The following PTPRN2 variants were observed in gnomAD, a reference collection of about 807,000 sequenced individuals.
PTPRN2 encodes receptor-type tyrosine-protein phosphatase N2.
PTPRN2 carries 74 observed loss-of-function variants against 118.8 expected under a neutral mutation model. That is an observed-to-expected ratio of 0.62 (90% CI 0.52 to 0.76). PTPRN2 has a LOEUF of 0.76. PTPRN2 is among the 30% of genes least tolerant of loss of function. The pLI, the probability that PTPRN2 is intolerant of heterozygous loss-of-function variation, is 0.00. For synonymous variants in PTPRN2, 641 were observed against 608.0 expected, an observed-to-expected ratio of 1.05 and a Z score of -0.80; for missense variants, 1,481 against 1,394.4, an observed-to-expected ratio of 1.06 and a Z score of -0.99.
At chr7:158,081,596 A>G (rs550258522) in intron 10 of PTPRN2, among the ~76,000 whole-genome samples, 1 of 152,280 alleles carries the variant, frequency 6.6e-6, no homozygotes, top group East Asian at 1.9e-4. Context: ...CTTTTCCAAA[A>G]CACACATCAC....
intron 1 of PTPRN2, among the ~76,000 whole-genome samples, chr7:158,540,095 C>A (rs1353801681): frequency 6.6e-6 from 1 of 152,182 alleles, no homozygotes; most frequent in Non-Finnish European, 1.5e-5. Flanking sequence ...AGTGTCCCCA[C>A]GTGGCTGCTG....
At chr7:158,268,409 A>G (rs1226064204) in intron 3 of PTPRN2, among the ~76,000 whole-genome samples, 179 of 82,294 alleles carry the variant, frequency 2.2e-3, no homozygotes, top group South Asian at 4.4e-3. Flanking sequence ...ACACAGGGCG[A>G]GTGTGTAATA....
At chr7:157,963,147 T>C (rs1048846681) in intron 11 of PTPRN2, among the ~76,000 whole-genome samples, 2 of 152,234 alleles carry the variant, frequency 1.3e-5, no homozygotes, top group Non-Finnish European at 1.5e-5. Flanking sequence ...GCAAGTCAGA[T>C]GCAAGCCTGC....
chr7:158,251,913 C>T lies in PTPRN2; in HGVS notation c.278-46640G>A, dbSNP rs537447541. Among the ~76,000 whole-genome samples, 310 of 152,256 alleles carry T rather than the reference C, an allele frequency of 2.0e-3. 2 individuals carry two copies. The highest frequency in any genetic ancestry group is 1.7e-3 in the Non-Finnish European group (115 of 68,008). ...GACCTGTGACTTGAAGCCTCCATTCCATTGTTGGGGACACACAAGCAGGGC... is the reference window on the plus strand; with the variant it reads ...GACCTGTGACTTGAAGCCTCCATTCTATTGTTGGGGACACACAAGCAGGGC... On this transcript the variant is annotated intron_variant, in intron 3 of 22. Transcript: ENST00000389418.
In PTPRN2 at chr7:158,316,047, CA is replaced by C. The variant is rs1008831912; in HGVS notation, c.277+771del. 6.6e-5 allele frequency among the ~76,000 whole-genome samples: 10 copies of C among 152,214 alleles called. 1 individual carries two copies. Among genetic ancestry groups the C allele is most frequent in the Admixed American group, 5.9e-4 (9 of 15,280 alleles). ...CCCTTGAGTCCCCAGTCAGCCACCA[CA>C]AAGACCATCCCTGAGTCCCCAACAT... On this transcript the variant is annotated intron_variant, in intron 3 of 22. Transcript: ENST00000389418.
At chr7:158,419,125 G>C (rs1815039562) in intron 2 of PTPRN2, among the ~76,000 whole-genome samples, 1 of 152,224 alleles carries the variant, frequency 6.6e-6, no homozygotes, top group Admixed American at 6.5e-5. Flanking sequence ...GTAAGGTTCT[G>C]TGTTTAAATA....
chr7:158,285,728 C>G (rs114529110), intron 3 of PTPRN2, among the ~76,000 whole-genome samples: 1 of 152,222 alleles, frequency 6.6e-6, no homozygotes, highest in Non-Finnish European at 1.5e-5. Flanking sequence ...AGTGGAACAG[C>G]GTAGAGCGCG....
intron 5 of PTPRN2, among the ~76,000 whole-genome samples, chr7:158,176,859 G>A (rs1170184567): frequency 6.6e-6 from 1 of 152,198 alleles, no homozygotes; most frequent in Non-Finnish European, 1.5e-5. Context: ...ACATGTGGAG[G>A]CCACGGTCCT....
chr7:157,667,801 C>T (rs919717386), intron 13 of PTPRN2, among the ~76,000 whole-genome samples: 1 of 152,268 alleles, frequency 6.6e-6, no homozygotes, highest in Non-Finnish European at 1.5e-5. Flanking sequence ...CGCACCCAGG[C>T]GCAGAAACTC....
intron 2 of PTPRN2, among the ~76,000 whole-genome samples, chr7:158,380,319 C>T (rs972913489): frequency 6.6e-6 from 1 of 152,198 alleles, no homozygotes; most frequent in African/African-American, 2.4e-5. Flanking sequence ...TTACTTGTTT[C>T]CTAGACATAA....
At chr7:157,913,861 T>G (rs577460427) in intron 11 of PTPRN2, among the ~76,000 whole-genome samples, 1 of 152,126 alleles carries the variant, frequency 6.6e-6, no homozygotes, top group Non-Finnish European at 1.5e-5. Context: ...AGCTGTGTAG[T>G]CTGGGATGTT....
intron 12 of PTPRN2, among the ~76,000 whole-genome samples, chr7:157,700,011 T>C (rs1797989995): frequency 1.3e-5 from 2 of 152,350 alleles, no homozygotes; most frequent in Admixed American, 6.5e-5. Context: ...CTCCCTAATA[T>C]GTTTCCATTC....
At chr7:157,754,707 T>C (rs118019479) in intron 12 of PTPRN2, among the ~76,000 whole-genome samples, 1 of 152,354 alleles carries the variant, frequency 6.6e-6, no homozygotes, top group East Asian at 1.9e-4. Context: ...CCAGCCCTAC[T>C]TGGCATGCGT....
chr7:158,568,812 T>A (rs562969923), intron 1 of PTPRN2, among the ~76,000 whole-genome samples: 1 of 152,310 alleles, frequency 6.6e-6, no homozygotes, highest in South Asian at 2.1e-4. Flanking sequence ...CCTATCACAC[T>A]TCTTTTAAAA....
At position 157,610,419 on chromosome 7, in the gene PTPRN2, A is replaced by G. The variant is rs1802262037; in HGVS notation, c.2345-6344T>C. Among the ~76,000 whole-genome samples the G allele has an allele frequency of 6.6e-6, 1 of 152,126 alleles. No individual in the cohort carries two copies. Among genetic ancestry groups the G allele is most frequent in the African/African-American group, 2.4e-5 (1 of 41,410 alleles). On this transcript the variant is annotated intron_variant, in intron 15 of 22. Coordinates refer to ENST00000389418, the MANE Select transcript of PTPRN2 (RefSeq NM_002847.5). The surrounding 1 kb of genome is among the most constrained non-coding windows in gnomAD (Gnocchi z 5.1). ...GATGGTGTGGCCTGTGGAGAGGTGG[A>G]GCCGGTGTCTTGCTCCTAGAGGGAG...
chr7:158,048,794 T>C (rs62649309), intron 11 of PTPRN2, among the ~76,000 whole-genome samples: 1 of 146,252 alleles, frequency 6.8e-6, no homozygotes, highest in African/African-American at 2.6e-5. Context: ...ATCCCACCAC[T>C]ACCATCACCA....
chr7:158,032,178 A>G (rs1807738714), intron 11 of PTPRN2, among the ~76,000 whole-genome samples: 1 of 152,216 alleles, frequency 6.6e-6, no homozygotes, highest in Non-Finnish European at 1.5e-5. Flanking sequence ...ATGGCATTGC[A>G]CTCACATCCA....
chr7:158,508,982 G>T lies in PTPRN2; in HGVS notation c.113-19197C>A, dbSNP rs114343097. Among the ~76,000 whole-genome samples the T allele has an allele frequency of 3.2e-3, 486 of 150,888 alleles. 5 individuals are homozygous for T. Among genetic ancestry groups the T allele is most frequent in the African/African-American group, 0.011 (460 of 40,254 alleles). ...GATGCTCAGGAGGGGGCCTCAGCAC[G>T]CAGGAAGCTGAGCTCACAAGGGGTC... On this transcript the variant is annotated intron_variant, in intron 1 of 22. Coordinates refer to ENST00000389418, the MANE Select transcript of PTPRN2 (RefSeq NM_002847.5).
intron 2 of PTPRN2, 149 bp downstream of exon 2, chr7:158,489,586 G>T: frequency 1.4e-6 from 1 of 724,394 alleles, no homozygotes; most frequent in Non-Finnish European, 2.1e-6. Context: ...CGCAGCCCAT[G>T]GCTCCGGGGT....
Sources: gnomAD v4.1 joint callset for allele counts (sites outside exome capture counted in the v4.1 genomes callset) on GRCh38, gnomAD v4.1.1 for gene constraint, Gnocchi (gnomAD v3.1) non-coding constraint, MANE v1.5 for transcripts, NCBI Gene and HGNC (gene_info 2026-07-23, HGNC 2026-07-21) for gene names.